The following INF2 variants were observed in gnomAD, a reference collection of about 807,000 sequenced individuals.
The protein encoded by INF2 is inverted formin 2.
Under a neutral mutation model 123.5 loss-of-function variants are expected in INF2, and 43 were observed. The observed-to-expected ratio is 0.35, with a 90% CI of 0.27 to 0.45. INF2 has a LOEUF of 0.45. Among genes scored for constraint, INF2 ranks in the 20% least tolerant of loss-of-function variants. INF2 has a pLI of 1.00. For synonymous variants in INF2, 851 were observed against 745.0 expected, an observed-to-expected ratio of 1.14 and a Z score of -2.32; for missense variants, 1,453 against 1,682.7, an observed-to-expected ratio of 0.86 and a Z score of 2.39.
At position 104,721,633 on chromosome 14, in the gene INF2, C is replaced by T. The variant is rs1205278076; in HGVS notation, c.*2840C>T. On this transcript the variant is annotated 3_prime_UTR_variant, in exon 23 of 23. Coordinates refer to ENST00000392634, the MANE Select transcript of INF2 (RefSeq NM_022489.4). ...TAGCTCCACTCCTCCCCCTCCCCAC[C>T]CTCCACAGAACTGCCAGTAAAACTG... 1.3e-5 allele frequency: 2 copies of T among 153,190 alleles called. No individual in the cohort carries two copies. 9.5% of individuals were successfully genotyped at this position (153,190 alleles called of 1,614,324 possible). A position where few individuals can be genotyped will look rare whatever the true frequency, so the allele number is the denominator to read the frequency against.
Position 104,714,822 on chromosome 14 carries a change from G to A in INF2, c.3660G>A (p.Lys1220=). ...GCCGGGCCTCAAAGGGGACCGGGAA[G>A]CGAAGGAAGAAGCGTCCCTCCAGGA... ...ARGRASKGTG[K]RRKKRPSRSQ... The change falls in exon 21 of 23, where the codon AAG becomes AAA. Residue 1220 remains lysine, a synonymous_variant. Transcript: ENST00000392634. 2 of 1,594,546 alleles carry A rather than the reference G, an allele frequency of 1.3e-6. No homozygotes were observed. The highest frequency in any genetic ancestry group is 1.1e-5 in the South Asian group (1 of 88,692).
At chr14:104,685,522 G>A (rs2140574804), upstream of INF2, among the ~76,000 whole-genome samples, 1 of 149,034 alleles carries the variant, frequency 6.7e-6, no homozygotes, top group African/African-American at 2.5e-5. Flanking sequence ...TTGTCAGCAA[G>A]CATAGAGCAG....
chr14:104,707,992 C>T lies in INF2; in HGVS notation c.1725C>T (p.Asn575=), dbSNP rs368235032. The change falls in exon 8 of 23, where the codon AAC becomes AAT. Residue 575 remains asparagine (N), a synonymous_variant. Coordinates refer to ENST00000392634, the MANE Select transcript of INF2 (RefSeq NM_022489.4). The part of the protein sequence containing the change: ...KKLNWQKLPS[N]VAREHNSMWA... ...TGAACTGGCAGAAGCTGCCATCCAA[C>T]GTGGCACGTGGTGAGGGTCCCCAGA... The T allele has an allele frequency of 3.6e-5, 57 of 1,598,076 alleles. No homozygotes were observed. The highest frequency in any genetic ancestry group is 2.7e-4 in the South Asian group (25 of 91,088).
intron 5 of INF2, 23 bp from the exon 6 acceptor site, chr14:104,706,012 C>G: frequency 6.2e-7 from 1 of 1,602,628 alleles, no homozygotes; most frequent in Non-Finnish European, 8.5e-7. Flanking sequence ...GCAGGCTTAG[C>G]CCACCTGGCC....
chr14:104,683,008 C>T (rs999459825), intron 1 of INF2, among the ~76,000 whole-genome samples: 12 of 151,620 alleles, frequency 7.9e-5, no homozygotes, highest in African/African-American at 2.4e-4. Context: ...GGGAGCCAGG[C>T]TCCTCTGGCT....
At chr14:104,704,166 C>G in intron 5 of INF2, 1 of 1,441,620 alleles carries the variant, frequency 6.9e-7, no homozygotes, top group Non-Finnish European at 9.1e-7. Flanking sequence ...ACTAGGGTTG[C>G]AGCAGCCATA....
chr14:104,692,212 C>A (rs151161006), intron 1 of INF2, among the ~76,000 whole-genome samples: 1 of 152,240 alleles, frequency 6.6e-6, no homozygotes, highest in African/African-American at 2.4e-5. Context: ...CACGGTCTCC[C>A]ACCCTCATCC....
At chr14:104,695,120 AG>A (rs1235679336) in intron 1 of INF2, among the ~76,000 whole-genome samples, 1 of 152,118 alleles carries the variant, frequency 6.6e-6, no homozygotes, top group African/African-American at 2.4e-5. Flanking sequence ...CTCATTGCCC[AG>A]CAGACCCCCT....
At chr14:104,713,105 G>A in intron 18 of INF2, 102 bp from the exon 19 acceptor site, 1 of 1,607,946 alleles carries the variant, frequency 6.2e-7, no homozygotes, top group Admixed American at 1.7e-5. Context: ...ACACAGCCAT[G>A]TGGGCCCTGC....
At position 104,701,618 on chromosome 14, in the gene INF2, TCGGG is replaced by T. The variant is rs1210794367; in HGVS notation, c.255_258del (p.Gly86AlafsTer23). ...GCTGCTGGAGGCGCTGGCGCGGCTG[TCGGG>T]CCGCGGCGTTGCACGTATCTCCGAC... On this transcript the variant is annotated frameshift_variant, in exon 2 of 23. Coordinates refer to ENST00000392634, the MANE Select transcript of INF2 (RefSeq NM_022489.4). LOFTEE classifies it high-confidence loss of function. 6.2e-7 allele frequency: 1 copy of T among 1,603,502 alleles called. No individual in the cohort carries two copies. The highest frequency in any genetic ancestry group is 1.3e-5 in the African/African-American group (1 of 74,824).
At position 104,720,619 on chromosome 14, in the gene INF2, G is replaced by A. The variant is rs903541169; in HGVS notation, c.*1826G>A. 1.3e-5 allele frequency: 1 copy of A among 75,880 alleles called. No homozygotes were observed. The highest frequency in any genetic ancestry group is 6.9e-5 in the African/African-American group (1 of 14,520). 4.7% of individuals were successfully genotyped at this position (75,880 alleles called of 1,614,324 possible). ...TGCTGTGCACGTCTGCGTCGTCCTCGTGTGGATGCTGCTGTGGACGTCTGC... is the reference window on the plus strand; with the variant it reads ...TGCTGTGCACGTCTGCGTCGTCCTCATGTGGATGCTGCTGTGGACGTCTGC... On this transcript the variant is annotated 3_prime_UTR_variant, in exon 23 of 23. Coordinates refer to ENST00000392634, the MANE Select transcript of INF2 (RefSeq NM_022489.4).
chr14:104,710,562 A>G (rs1890003653), intron 13 of INF2, among the ~76,000 whole-genome samples: 1 of 151,852 alleles, frequency 6.6e-6, no homozygotes. Context: ...TGCACACAGG[A>G]CACACAGACA....
intron 12 of INF2, 42 bp downstream of exon 12, chr14:104,709,747 G>A (rs1889956673): frequency 6.4e-7 from 1 of 1,556,422 alleles, no homozygotes; most frequent in East Asian, 2.2e-5. Context: ...TGGGCCCCAG[G>A]TGGGAGGAGA....
At chr14:104,717,442 G>A (rs1890364672) in intron 22 of INF2, 1 of 152,320 alleles carries the variant, frequency 6.6e-6, no homozygotes, top group Admixed American at 6.5e-5. Flanking sequence ...CAGTGCAGAT[G>A]TGCCACTTGC....
intron 1 of INF2, among the ~76,000 whole-genome samples, chr14:104,701,126 A>G (rs1374635704): frequency 6.6e-6 from 1 of 152,104 alleles, no homozygotes; most frequent in Admixed American, 6.5e-5. Flanking sequence ...TGCGCGCAGT[A>G]GGGCCCTTCC....
rs142345234 is a variant in INF2, at chr14:104,701,320, C to T, written c.-9-37C>T. The T allele has an allele frequency of 2.7e-3, 4,190 of 1,539,958 alleles. 4 individuals are homozygous for T. Among genetic ancestry groups the T allele is most frequent in the Non-Finnish European group, 3.1e-3 (3,582 of 1,139,872 alleles). The stretch of plus-strand genomic sequence containing the variant: ...GGTGGCCAGGAGGACAGCCCCCATC[C>T]CCTCCCCGCTGACGGCTCCCTGCCC... On this transcript the variant is annotated intron_variant, in intron 1 of 22. Coordinates refer to ENST00000392634, the MANE Select transcript of INF2 (RefSeq NM_022489.4).
upstream of INF2, among the ~76,000 whole-genome samples, chr14:104,685,975 G>A (rs866033156): frequency 7.0e-6 from 1 of 143,118 alleles, no homozygotes; most frequent in Admixed American, 7.0e-5. Context: ...TGGATGATGG[G>A]TGGGTAGGTG....
In INF2 at chr14:104,721,034, C is replaced by T. The variant is rs1890535028; in HGVS notation, c.*2241C>T. 1 of 40,242 alleles carries T rather than the reference C, an allele frequency of 2.5e-5. No homozygotes were observed. Among genetic ancestry groups the T allele is most frequent in the Non-Finnish European group, 4.0e-5 (1 of 25,006 alleles). The allele number at this position is 40,242 out of a possible 1,614,324, so 2.5% of individuals were successfully genotyped here. A position where few individuals can be genotyped will look rare whatever the true frequency, so the allele number is the denominator to read the frequency against. On this transcript the variant is annotated 3_prime_UTR_variant, in exon 23 of 23. Transcript: ENST00000392634. The stretch of plus-strand genomic sequence containing the variant: ...CTGCTGTGGACGTCTGCGTCGTCCT[C>T]GTGTGGATGCTGCTGTGGACGTCTG...
In INF2 at chr14:104,709,320, T is replaced by C; in HGVS notation, c.1989T>C (p.Asp663=). The C allele has an allele frequency of 1.2e-6, 2 of 1,613,164 alleles. No individual in the cohort carries two copies. The highest frequency in any genetic ancestry group is 1.1e-5 in the South Asian group (1 of 91,080). Residue 663 remains aspartate, a synonymous_variant, in exon 11 of 23, where the codon GAT becomes GAC. Coordinates refer to ENST00000392634, the MANE Select transcript of INF2 (RefSeq NM_022489.4). ...TCGCTGCTATGATCCGGGCTGGAGA[T>C]ACCACCAAGTTTGATGTGGAGGTTC... The part of the protein sequence containing the change: ...EEVAAMIRAG[D]TTKFDVEVLK...
Sources: gnomAD v4.1 joint callset for allele counts (sites outside exome capture counted in the v4.1 genomes callset) on GRCh38, gnomAD v4.1.1 for gene constraint, MANE v1.5 for transcripts, NCBI Gene and HGNC (gene_info 2026-07-23, HGNC 2026-07-21) for gene names.